Variants in SGSM3 observed in about 807,000 individuals in gnomAD.
SGSM3 encodes the protein small G protein signaling modulator 3.
SGSM3 carries 96 observed loss-of-function variants against 100.5 expected under a neutral mutation model. The ratio of observed to expected loss-of-function variants is 0.96; its 90% CI spans 0.81 to 1.13. SGSM3 has a LOEUF of 1.13. SGSM3 is among the 50% of genes most tolerant of loss of function. The pLI is 0.00. For synonymous variants in SGSM3, 483 were observed against 422.8 expected (o/e 1.14, Z -1.75); for missense variants, 1,001 against 1,015.8 (o/e 0.99, Z 0.20).
At position 40,405,804 on chromosome 22, in the gene SGSM3, C is replaced by T; in HGVS notation, c.774C>T (p.Tyr258=). 1.2e-6 allele frequency: 2 copies of T among 1,613,278 alleles called. No homozygotes were observed. The highest frequency in any genetic ancestry group is 1.7e-6 in the Non-Finnish European group (2 of 1,179,760). Residue 258 remains tyrosine (Y), a synonymous_variant, in exon 8 of 22, where the codon TAC becomes TAT. Transcript: ENST00000248929. ...QRVLRHLIVQ[Y]LPRLDKLLQE... ...TCCTGCGCCACCTCATTGTCCAGTA[C>T]CTGCCTCGCCTGGACAAGCTGCTCC...
chr22:40,389,855 G>C (rs1243505416), intron 1 of SGSM3, among the ~76,000 whole-genome samples: 1 of 147,808 alleles, frequency 6.8e-6, no homozygotes, highest in East Asian at 2.0e-4. Flanking sequence ...AGTGAGCCAG[G>C]ATCGCGCCAT....
At chr22:40,400,364 C>T (rs1006272349) in intron 1 of SGSM3, among the ~76,000 whole-genome samples, 1 of 152,196 alleles carries the variant, frequency 6.6e-6, no homozygotes, top group African/African-American at 2.4e-5. Context: ...AAAGGCTTGG[C>T]CGGGCGCGGT....
At chr22:40,399,030 C>CT (rs1381030851) in intron 1 of SGSM3, among the ~76,000 whole-genome samples, 1 of 139,552 alleles carries the variant, frequency 7.2e-6, no homozygotes, top group Admixed American at 8.3e-5. Flanking sequence ...GTCACCCAGG[C>CT]TGGAGGGCAG....
In SGSM3 at chr22:40,409,411, G is replaced by GGGAA. The variant is rs751998686; in HGVS notation, c.2111+42_2111+45dup. 11 of 1,574,936 alleles carry GGGAA rather than the reference G, an allele frequency of 7.0e-6. No individual in the cohort carries two copies. The East Asian group carries it at 2.5e-4, about 36-fold the overall frequency. On this transcript the variant is annotated intron_variant, in intron 20 of 21. Coordinates refer to ENST00000248929, the MANE Select transcript of SGSM3 (RefSeq NM_015705.6). ...TGGGCTTGGGGGATGGAGGTGGGGT[G>GGGAA]GGAAGGGCTAGCTGGGGGTGACAAG...
At chr22:40,371,208 G>C (rs2045397562) in intron 1 of SGSM3, among the ~76,000 whole-genome samples, 1 of 152,242 alleles carries the variant, frequency 6.6e-6, no homozygotes, top group Non-Finnish European at 1.5e-5. Context: ...GGGAAACTGA[G>C]GCATACGTTA....
intron 1 of SGSM3, among the ~76,000 whole-genome samples, chr22:40,388,566 A>G (rs1323649360): frequency 6.6e-6 from 1 of 152,170 alleles, no homozygotes; most frequent in East Asian, 1.9e-4. Context: ...AGCAAAGGGA[A>G]GGTTTTAAAG....
At chr22:40,397,568 C>T (rs1301984481) in intron 1 of SGSM3, among the ~76,000 whole-genome samples, 1 of 152,230 alleles carries the variant, frequency 6.6e-6, no homozygotes, top group East Asian at 1.9e-4. Flanking sequence ...CCCCTACTTT[C>T]CCAGCTCACT....
At chr22:40,404,728 C>T (rs2051219532) in intron 6 of SGSM3, 64 bp downstream of exon 6, 1 of 1,202,342 alleles carries the variant, frequency 8.3e-7, no homozygotes, top group Non-Finnish European at 1.2e-6. Context: ...AGAGAGGGAG[C>T]CTGCCTGGGG....
chr22:40,410,156 G>T lies in SGSM3; in HGVS notation c.*397G>T. The T allele has an allele frequency of 2.7e-6, 3 of 1,100,206 alleles. No homozygotes were observed. Among genetic ancestry groups the T allele is most frequent in the Non-Finnish European group, 3.3e-6 (3 of 903,944 alleles). The allele number at this position is 1,100,206 out of a possible 1,614,324, so 68.2% of individuals were successfully genotyped here. The stretch of plus-strand genomic sequence containing the variant: ...GCTAGGGCTGCAGAGCTGTATTCAG[G>T]TCCAAGGTTCTGCCCTTCCTTGAGT... On this transcript the variant is annotated 3_prime_UTR_variant, in exon 22 of 22. Coordinates refer to ENST00000248929, the MANE Select transcript of SGSM3 (RefSeq NM_015705.6).
chr22:40,382,600 G>A (rs2047746106), intron 1 of SGSM3, among the ~76,000 whole-genome samples: 1 of 152,166 alleles, frequency 6.6e-6, no homozygotes, highest in Non-Finnish European at 1.5e-5. Flanking sequence ...AACCTCAGAA[G>A]CTACACAATA....
chr22:40,402,748 A>G (rs2050927137), intron 4 of SGSM3, among the ~76,000 whole-genome samples: 1 of 152,360 alleles, frequency 6.6e-6, no homozygotes, highest in East Asian at 1.9e-4. Flanking sequence ...TCAAAAAAGA[A>G]AAAAGCATAT....
chr22:40,394,959 CTAA>C (rs201337577), intron 1 of SGSM3, among the ~76,000 whole-genome samples: 1,816 of 152,228 alleles, frequency 0.012, 21 homozygotes, highest in Non-Finnish European at 0.017. Flanking sequence ...TTTTCTGTAA[CTAA>C]TAATAACTGG....
intron 1 of SGSM3, among the ~76,000 whole-genome samples, chr22:40,392,903 T>C (rs927893006): frequency 1.3e-5 from 2 of 152,232 alleles, no homozygotes; most frequent in Non-Finnish European, 2.9e-5. Context: ...TTTGCCTATG[T>C]TGGACATTTC....
rs34700924 is a variant in SGSM3 at position 40,394,645 on chromosome 22, C to CAA, written c.-111-6030_-111-6029dup. ...GGGTGACAGAGTAAGACTCCTGTCT[C>CAA]AAAAAAAAAAAAAAAAAAAAAATTC... is the stretch of plus-strand genomic sequence containing the variant. On this transcript the variant is annotated intron_variant, in intron 1 of 21. Coordinates refer to ENST00000248929, the MANE Select transcript of SGSM3 (RefSeq NM_015705.6). Among the ~76,000 whole-genome samples, 733 of 83,960 alleles carry CAA rather than the reference C, an allele frequency of 8.7e-3. 2 individuals carry two copies. Among genetic ancestry groups the CAA allele is most frequent in the East Asian group, 0.014 (34 of 2,468 alleles). The allele number at this position is 83,960 out of a possible 152,430, so 55.1% of individuals were successfully genotyped here. A position where few individuals can be genotyped will look rare whatever the true frequency, so the allele number is the denominator to read the frequency against.
At position 40,406,610 on chromosome 22, in the gene SGSM3, T is replaced by C. The variant is rs1328055525; in HGVS notation, c.1133T>C (p.Ile378Thr). Reference sequence around the variant, plus strand: ...CGCCGCAAGCACCTGGCCTATCTCATTGCAGACCAGGGCCAGCTCCTGGGG... The same window carrying C: ...CGCCGCAAGCACCTGGCCTATCTCACTGCAGACCAGGGCCAGCTCCTGGGG... ...TQRRKHLAYL[I>T]ADQGQLLGAG... is the part of the protein sequence containing the mutation. The change falls in exon 10 of 22, where the codon ATT (isoleucine) becomes ACT (threonine). Residue 378 changes from isoleucine (I) to threonine (T), a missense_variant. Coordinates refer to ENST00000248929, the MANE Select transcript of SGSM3 (RefSeq NM_015705.6). The C allele has an allele frequency of 6.2e-6, 10 of 1,611,266 alleles. No homozygotes were observed. The highest frequency in any genetic ancestry group is 2.2e-5 in the East Asian group (1 of 44,798).
chr22:40,370,821 A>T (rs531420199), intron 1 of SGSM3, 133 bp downstream of exon 1: 1 of 152,128 alleles, frequency 6.6e-6, no homozygotes, highest in Non-Finnish European at 1.5e-5. Context: ...CGAGAGAAGC[A>T]CCGCCTCGGG....
At chr22:40,381,113 A>G (rs1339786163) in intron 1 of SGSM3, among the ~76,000 whole-genome samples, 2 of 152,026 alleles carry the variant, frequency 1.3e-5, no homozygotes, top group Non-Finnish European at 2.9e-5. Flanking sequence ...AGTCTATATA[A>G]GCCATCAGAA....
intron 1 of SGSM3, among the ~76,000 whole-genome samples, chr22:40,371,424 A>G (rs906159572): frequency 1.3e-5 from 2 of 152,172 alleles, no homozygotes; most frequent in African/African-American, 4.8e-5. Context: ...GCGGTGGGAT[A>G]GAGATGTCCT....
intron 16 of SGSM3, 83 bp from the exon 17 acceptor site, chr22:40,408,541 CGTG>C: frequency 6.3e-7 from 1 of 1,586,898 alleles, no homozygotes; most frequent in Middle Eastern, 1.7e-4. Flanking sequence ...GAGCTGGCAG[CGTG>C]GTGACAGGTG....
Sources: allele counts gnomAD v4.1 joint callset (sites outside exome capture counted in the v4.1 genomes callset), GRCh38; gene constraint gnomAD v4.1.1; transcripts MANE v1.5; gene names NCBI Gene and HGNC (gene_info 2026-07-23, HGNC 2026-07-21).